KCNJ16: variants seen among roughly 807,000 people sequenced by gnomAD.
KCNJ16 encodes potassium inwardly rectifying channel subfamily J member 16, also known as inward rectifier potassium channel 16.
KCNJ16 carries 15 observed loss-of-function variants against 18.5 expected under a neutral mutation model. The observed-to-expected ratio is 0.81, with a 90% CI of 0.54 to 1.25. KCNJ16 has a LOEUF of 1.25. Among genes scored for constraint, KCNJ16 ranks in the 50% most tolerant of loss-of-function variants. The probability of loss-of-function intolerance (pLI) is 0.00; values close to 1 mark genes in which losing one functional copy is unlikely to be tolerated. For missense variants in KCNJ16, 523 were observed against 525.7 expected (o/e 0.99, Z 0.05); for synonymous variants, 174 against 186.5 (o/e 0.93, Z 0.55).
At chr17:70,108,881 T>C (rs1232770701) in intron 2 of KCNJ16, among the ~76,000 whole-genome samples, 1 of 152,136 alleles carries the variant, frequency 6.6e-6, no homozygotes, top group Non-Finnish European at 1.5e-5. Flanking sequence ...TAAATTTCCC[T>C]GCTTGTGAGT....
chr17:70,123,361 T>C (rs972944573), intron 2 of KCNJ16, among the ~76,000 whole-genome samples: 1 of 152,246 alleles, frequency 6.6e-6, no homozygotes, highest in Non-Finnish European at 1.5e-5. Flanking sequence ...GCATGAGTCA[T>C]GCAGCCTTTG....
intron 1 of KCNJ16, among the ~76,000 whole-genome samples, chr17:70,082,656 T>C (rs927303966): frequency 6.6e-5 from 10 of 152,218 alleles, no homozygotes; most frequent in African/African-American, 2.4e-4. Context: ...CTTCTGAAGT[T>C]GCCCATTCCC....
At chr17:70,124,888 G>T (rs1471452872) in intron 2 of KCNJ16, among the ~76,000 whole-genome samples, 1 of 150,240 alleles carries the variant, frequency 6.7e-6, no homozygotes, top group Non-Finnish European at 1.5e-5. Flanking sequence ...TTGAATAGAT[G>T]GGTGTGTGTT....
chr17:70,120,208 C>A (rs1184277456), intron 2 of KCNJ16, among the ~76,000 whole-genome samples: 1 of 152,224 alleles, frequency 6.6e-6, no homozygotes, highest in Non-Finnish European at 1.5e-5. Flanking sequence ...TCATTTCCAT[C>A]TGAGACCGTG....
chr17:70,107,282 T>C (rs2143942879), intron 2 of KCNJ16, among the ~76,000 whole-genome samples: 1 of 152,280 alleles, frequency 6.6e-6, no homozygotes, highest in East Asian at 1.9e-4. Flanking sequence ...TTTGTTTGCA[T>C]CACTTAATAA....
chr17:70,132,384 TG>T lies in KCNJ16; in HGVS notation c.299del (p.Gly100AlafsTer4), dbSNP rs1196927693. Reference protein sequence around the residue: ...SVFWLIAFHHGDLLNDPDITP... With the variant: ...SVFWLIAFHHXDLLNDPDITP... ...TCTTTTGGCTCATAGCCTTTCATCATGGCGATCTATTAAATGATCCAGACAT... is the reference window on the plus strand; with the variant it reads ...TCTTTTGGCTCATAGCCTTTCATCATGCGATCTATTAAATGATCCAGACAT... On this transcript the variant is annotated frameshift_variant, in exon 4 of 4. Transcript: ENST00000392671. LOFTEE classifies it high-confidence loss of function. 6.2e-7 allele frequency: 1 copy of T among 1,614,218 alleles called. No individual in the cohort carries two copies. The highest frequency in any genetic ancestry group is 8.5e-7 in the Non-Finnish European group (1 of 1,180,046).
chr17:70,114,548 T>C (rs998931263), intron 2 of KCNJ16, among the ~76,000 whole-genome samples: 2 of 152,292 alleles, frequency 1.3e-5, no homozygotes, highest in African/African-American at 2.4e-5. Flanking sequence ...AGATTAGTCA[T>C]AGGTAACCTG....
At chr17:70,100,593 T>C (rs1327942405) in intron 1 of KCNJ16, 65 bp from the exon 2 acceptor site, 1 of 152,212 alleles carries the variant, frequency 6.6e-6, no homozygotes, top group Non-Finnish European at 1.5e-5. Flanking sequence ...TTTAAGTGCT[T>C]TACAAATATG....
intron 2 of KCNJ16, among the ~76,000 whole-genome samples, chr17:70,102,973 C>T (rs557993482): frequency 2.6e-5 from 4 of 151,472 alleles, no homozygotes; most frequent in South Asian, 4.2e-4. Flanking sequence ...CTCACTCTGC[C>T]GCTCTGGCTG....
intron 2 of KCNJ16, among the ~76,000 whole-genome samples, chr17:70,107,357 G>T (rs1290285446): frequency 6.6e-6 from 1 of 152,126 alleles, no homozygotes; most frequent in Non-Finnish European, 1.5e-5. Flanking sequence ...CTGAGCTTGG[G>T]TCACCTTCAA....
intron 2 of KCNJ16, among the ~76,000 whole-genome samples, chr17:70,114,294 A>T (rs2073312474): frequency 1.3e-5 from 2 of 152,284 alleles, no homozygotes; most frequent in South Asian, 4.1e-4. Flanking sequence ...CAGCAGATTG[A>T]ATAGACTAAT....
chr17:70,129,210 C>T (rs2073973114), intron 2 of KCNJ16, among the ~76,000 whole-genome samples: 1 of 152,166 alleles, frequency 6.6e-6, no homozygotes, highest in Non-Finnish European at 1.5e-5. Context: ...ATTGCAAATG[C>T]TTTCTCATGG....
chr17:70,091,130 C>A (rs1441482527), intron 1 of KCNJ16, among the ~76,000 whole-genome samples: 2 of 152,140 alleles, frequency 1.3e-5, no homozygotes, highest in South Asian at 4.1e-4. Flanking sequence ...CCCAATCTAC[C>A]CTTTACACAA....
At chr17:70,091,438 A>G (rs1190138372) in intron 1 of KCNJ16, among the ~76,000 whole-genome samples, 2 of 152,204 alleles carry the variant, frequency 1.3e-5, no homozygotes, top group African/African-American at 4.8e-5. Context: ...GGAGAGGCCT[A>G]TGGAATAGTA....
At chr17:70,100,028 G>A (rs1310433445) in intron 1 of KCNJ16, among the ~76,000 whole-genome samples, 3 of 152,138 alleles carry the variant, frequency 2.0e-5, no homozygotes, top group Admixed American at 6.5e-5. Flanking sequence ...AGGAAAGTCC[G>A]TTTAGCAGTG....
At chr17:70,117,250 T>C (rs896049425) in intron 2 of KCNJ16, among the ~76,000 whole-genome samples, 18 of 152,220 alleles carry the variant, frequency 1.2e-4, no homozygotes, top group East Asian at 5.8e-4. Flanking sequence ...AAGCTAAACA[T>C]TGGATACTCA....
intron 1 of KCNJ16, among the ~76,000 whole-genome samples, chr17:70,099,360 T>C (rs965432443): frequency 1.3e-5 from 2 of 152,130 alleles, no homozygotes; most frequent in Non-Finnish European, 2.9e-5. Context: ...CTCCTGGAAG[T>C]AGTACGAGAC....
At chr17:70,089,032 A>C (rs189100884) in intron 1 of KCNJ16, among the ~76,000 whole-genome samples, 1 of 152,206 alleles carries the variant, frequency 6.6e-6, no homozygotes, top group East Asian at 1.9e-4. Context: ...AGAACGTGTG[A>C]AAGTTTTCTT....
At chr17:70,086,545 C>T (rs545194975) in intron 1 of KCNJ16, among the ~76,000 whole-genome samples, 8 of 152,238 alleles carry the variant, frequency 5.3e-5, no homozygotes, top group Admixed American at 2.0e-4. Context: ...GTTATTTATT[C>T]ATCATTTTTT....
Sources: gnomAD v4.1 joint callset for allele counts (sites outside exome capture counted in the v4.1 genomes callset) on GRCh38, gnomAD v4.1.1 for gene constraint, MANE v1.5 for transcripts, NCBI Gene and HGNC (gene_info 2026-07-23, HGNC 2026-07-21) for gene names.